OPCML: variants seen among roughly 807,000 people sequenced by gnomAD.
OPCML encodes the protein opioid binding protein/cell adhesion molecule like, also known as opioid-binding protein/cell adhesion molecule.
In OPCML, 13 loss-of-function variants were observed where a neutral mutation model predicts 37.8. The ratio of observed to expected loss-of-function variants is 0.34; its 90% CI spans 0.22 to 0.55. The LOEUF (loss-of-function observed/expected upper bound fraction) is 0.55. Ranked by LOEUF, OPCML falls within the 20% of genes least tolerant of loss-of-function variation. OPCML has a pLI of 0.91. For missense variants in OPCML, 341 were observed against 435.6 expected (o/e 0.78, Z 1.93); for synonymous variants, 176 against 168.8 (o/e 1.04, Z -0.33).
chr11:132,623,435 G>A (rs1042465190), intron 3 of OPCML, among the ~76,000 whole-genome samples: 1 of 152,010 alleles, frequency 6.6e-6, no homozygotes, highest in African/African-American at 2.4e-5. Flanking sequence ...AAAGAGAAAA[G>A]TTGTTGTCCT....
chr11:133,388,353 T>C (rs925007325), intron 1 of OPCML, among the ~76,000 whole-genome samples: 4 of 152,004 alleles, frequency 2.6e-5, no homozygotes, highest in African/African-American at 9.7e-5. Context: ...AATGTAAAAG[T>C]GAATGGACCC....
intron 4 of OPCML, among the ~76,000 whole-genome samples, chr11:132,455,762 A>AATTCATTCATTCATTCATTCATTCATTC (rs61139767): frequency 6.6e-6 from 1 of 150,434 alleles, no homozygotes; most frequent in South Asian, 2.1e-4. Flanking sequence ...TTCTTTGTCA[A>AATTCATTCATTCATTCATTCATTCATTC]ATTCATTCAT....
chr11:133,311,016 A>C (rs1274951798), intron 1 of OPCML, among the ~76,000 whole-genome samples: 1 of 152,238 alleles, frequency 6.6e-6, no homozygotes, highest in Non-Finnish European at 1.5e-5. Flanking sequence ...ACAATTGCCA[A>C]CCAGATGGCA....
intron 1 of OPCML, among the ~76,000 whole-genome samples, chr11:133,020,338 C>A (rs1456131838): frequency 6.6e-6 from 1 of 152,198 alleles, no homozygotes; most frequent in Admixed American, 6.5e-5. Flanking sequence ...CATCTGTCTT[C>A]CCTCCCTTTC....
intron 4 of OPCML, among the ~76,000 whole-genome samples, chr11:132,450,147 C>T (rs959455512): frequency 3.3e-5 from 5 of 152,216 alleles, no homozygotes; most frequent in Non-Finnish European, 7.3e-5. Flanking sequence ...CTTGCTGGGT[C>T]TTCATGTGCT....
At chr11:133,479,449 AG>A (rs1947326980) in intron 1 of OPCML, among the ~76,000 whole-genome samples, 1 of 152,232 alleles carries the variant, frequency 6.6e-6, no homozygotes, top group Admixed American at 6.5e-5. Flanking sequence ...GAGTTAAGAC[AG>A]GTAAATTGGC....
At chr11:133,312,369 G>A (rs775149944) in intron 1 of OPCML, among the ~76,000 whole-genome samples, 35 of 152,094 alleles carry the variant, frequency 2.3e-4, no homozygotes, top group African/African-American at 5.1e-4. Flanking sequence ...GACTTGTTTC[G>A]CACGGATTCT....
rs921230339 is a variant in OPCML, at chr11:132,997,276, G to A, written c.62-54266C>T. 3.9e-5 allele frequency among the ~76,000 whole-genome samples: 6 copies of A among 152,254 alleles called. 1 individual carries two copies. Among genetic ancestry groups the A allele is most frequent in the Middle Eastern group, 3.4e-3 (1 of 294 alleles). On this transcript the variant is annotated intron_variant, in intron 1 of 7. Transcript: ENST00000524381. ...GGAATGGAAGCACAGGATTAGATAGGGCAGCCTTCTGATACCACTGCTTTC... is the reference window on the plus strand; with the variant it reads ...GGAATGGAAGCACAGGATTAGATAGAGCAGCCTTCTGATACCACTGCTTTC...
intron 2 of OPCML, among the ~76,000 whole-genome samples, chr11:132,762,043 GT>G (rs1232927012): frequency 1.3e-5 from 2 of 152,150 alleles, no homozygotes; most frequent in Non-Finnish European, 2.9e-5. Flanking sequence ...CTGTTTGTTA[GT>G]TTTCCTTCTA....
intron 2 of OPCML, among the ~76,000 whole-genome samples, chr11:132,879,109 G>T (rs1420808363): frequency 6.6e-6 from 1 of 152,204 alleles, no homozygotes; most frequent in Non-Finnish European, 1.5e-5. Context: ...ACGTAAGTAA[G>T]CTATTCTCTT....
chr11:132,423,235 T>A (rs561108490), intron 7 of OPCML, among the ~76,000 whole-genome samples: 5 of 152,032 alleles, frequency 3.3e-5, no homozygotes, highest in Non-Finnish European at 7.4e-5. Context: ...CTTCAGGGAG[T>A]TTTATTCTTC....
At chr11:132,632,042 C>A (rs954782972) in intron 3 of OPCML, among the ~76,000 whole-genome samples, 3 of 151,854 alleles carry the variant, frequency 2.0e-5, no homozygotes, top group African/African-American at 7.3e-5. Context: ...AATGTGGCAG[C>A]CATGCTGATC....
rs563801483 is a variant in OPCML at position 132,561,485 on chromosome 11, C to T, written c.380-32299G>A. Among the ~76,000 whole-genome samples the T allele has an allele frequency of 5.0e-4, 76 of 152,342 alleles. 1 individual carries two copies. Among genetic ancestry groups the T allele is most frequent in the African/African-American group, 1.8e-3 (73 of 41,586 alleles). On this transcript the variant is annotated intron_variant, in intron 3 of 7. Transcript: ENST00000524381. ...ACACCATGTTTGTCTGCCATCCCCA[C>T]TCAGTGTGGGCTCCTTGACGGTGTG...
intron 1 of OPCML, among the ~76,000 whole-genome samples, chr11:133,397,669 G>T (rs543627980): frequency 6.6e-4 from 101 of 152,332 alleles, no homozygotes; most frequent in African/African-American, 2.3e-3. Context: ...AAAACAGAAA[G>T]CACACAAATT....
intron 1 of OPCML, among the ~76,000 whole-genome samples, chr11:133,450,471 A>T (rs1033959585): frequency 2.0e-5 from 3 of 151,530 alleles, no homozygotes; most frequent in Admixed American, 6.6e-5. Context: ...TTCTAATTTA[A>T]TTCTGGGATA....
At chr11:132,936,869 T>A (rs1263420883) in intron 2 of OPCML, among the ~76,000 whole-genome samples, 2 of 152,050 alleles carry the variant, frequency 1.3e-5, no homozygotes, top group Non-Finnish European at 2.9e-5. Flanking sequence ...ATACCTAACA[T>A]GAGCAAGAGC....
intron 1 of OPCML, among the ~76,000 whole-genome samples, chr11:133,060,392 T>C (rs1948319650): frequency 6.6e-6 from 1 of 152,242 alleles, no homozygotes; most frequent in Non-Finnish European, 1.5e-5. Context: ...TATAAGCATC[T>C]GACACAATAG....
intron 1 of OPCML, among the ~76,000 whole-genome samples, chr11:133,449,592 C>T (rs540095458): frequency 2.8e-4 from 41 of 148,318 alleles, no homozygotes; most frequent in Non-Finnish European, 5.4e-4. Context: ...TCTTTGCCTC[C>T]CTCAGGTTCT....
At chr11:133,415,184 C>G (rs146701195) in intron 1 of OPCML, among the ~76,000 whole-genome samples, 1 of 151,944 alleles carries the variant, frequency 6.6e-6, no homozygotes, top group African/African-American at 2.4e-5. Context: ...CCGAGGCGGG[C>G]GGATCACGAG....
Sources: gnomAD v4.1 joint callset for allele counts (sites outside exome capture counted in the v4.1 genomes callset) on GRCh38, gnomAD v4.1.1 for gene constraint, MANE v1.5 for transcripts, NCBI Gene and HGNC (gene_info 2026-07-23, HGNC 2026-07-21) for gene names.